SOX5: variants seen among roughly 807,000 people sequenced by gnomAD.
SOX5 encodes the protein SRY-box transcription factor 5, also known as transcription factor SOX-5.
A neutral mutation model predicts 92.0 loss-of-function variants in SOX5; 9 were observed. The observed-to-expected ratio is 0.10, with a 90% CI of 0.06 to 0.17. The LOEUF (loss-of-function observed/expected upper bound fraction) is 0.17, where lower values mean the gene tolerates loss of function less well. SOX5 is among the 10% of genes least tolerant of loss of function. The probability of loss-of-function intolerance (pLI) is 1.00; values close to 1 mark genes in which losing one functional copy is unlikely to be tolerated. For missense variants in SOX5, 642 were observed against 944.5 expected (o/e 0.68, Z 4.20); for synonymous variants, 344 against 336.3 (o/e 1.02, Z -0.25).
Position 23,533,194 on chromosome 12 carries a change from G to A in SOX5, c.*1025C>T, listed in dbSNP as rs1260812798. ...TGTGGGATTTCATCCCCAGATGTGG[G>A]TTTAACTCACAATGGTCCAACGTTA... On this transcript the variant is annotated 3_prime_UTR_variant, in exon 15 of 15. Coordinates refer to ENST00000451604, the MANE Select transcript of SOX5 (RefSeq NM_006940.6). 2 of 456,172 alleles carry A rather than the reference G, an allele frequency of 4.4e-6. No individual in the cohort carries two copies. The highest frequency in any genetic ancestry group is 8.8e-6 in the Non-Finnish European group (2 of 226,630). 28.3% of individuals were successfully genotyped at this position (456,172 alleles called of 1,614,324 possible).
intron 7 of SOX5, among the ~76,000 whole-genome samples, chr12:23,653,725 T>C (rs1038562682): frequency 7.9e-5 from 12 of 152,226 alleles, no homozygotes; most frequent in Non-Finnish European, 1.3e-4. Context: ...CTGGGGCCAC[T>C]CTTATAAGGA....
At chr12:23,669,253 A>T (rs1447900270) in intron 6 of SOX5, among the ~76,000 whole-genome samples, 1 of 152,168 alleles carries the variant, frequency 6.6e-6, no homozygotes, top group Non-Finnish European at 1.5e-5. Context: ...CTCCTAACAC[A>T]GCCAGGAGAA....
intron 4 of SOX5, among the ~76,000 whole-genome samples, chr12:23,749,160 T>G (rs2094104619): frequency 6.6e-6 from 1 of 151,904 alleles, no homozygotes; most frequent in Non-Finnish European, 1.5e-5. Context: ...TTATCCTACA[T>G]GCAAACATCT....
chr12:24,077,808 C>A lies in SOX5; in HGVS notation c.-2+135535G>T, dbSNP rs573273651. Among the ~76,000 whole-genome samples the A allele has an allele frequency of 4.6e-5, 4 of 86,078 alleles. No individual in the cohort carries two copies. The East Asian group carries it at 8.2e-4, about 18-fold the overall frequency. The allele number at this position is 86,078 out of a possible 152,430, so 56.5% of individuals were successfully genotyped here. A position where few individuals can be genotyped will look rare whatever the true frequency, so the allele number is the denominator to read the frequency against. ...ATATATATATATATATATATATATGCAGCTAAGTGAAGACAAATCTCAGTT... is the reference window on the plus strand; with the variant it reads ...ATATATATATATATATATATATATGAAGCTAAGTGAAGACAAATCTCAGTT... On this transcript the variant is annotated intron_variant, in intron 4 of 4. Coordinates refer to the SOX5 transcript ENST00000446891.
At chr12:23,755,763 C>T in intron 3 of SOX5, 39 bp from the exon 4 acceptor site, 1 of 1,333,308 alleles carries the variant, frequency 7.5e-7, no homozygotes, top group Non-Finnish European at 1.0e-6. Flanking sequence ...ATCAACATGA[C>T]TCTCCTTACA....
At chr12:23,801,825 T>C (rs931728675) in intron 3 of SOX5, among the ~76,000 whole-genome samples, 10 of 152,130 alleles carry the variant, frequency 6.6e-5, no homozygotes, top group African/African-American at 2.2e-4. Context: ...GTTGTATAGT[T>C]AGGGGAAACA....
rs1938731904 is a variant in SOX5 at position 23,530,487 on chromosome 12, G to A, written c.*3732C>T. The A allele has an allele frequency of 1.6e-5, 1 of 61,438 alleles. No homozygotes were observed. The allele number at this position is 61,438 out of a possible 1,614,324, so 3.8% of individuals were successfully genotyped here. On this transcript the variant is annotated 3_prime_UTR_variant, in exon 15 of 15. Transcript: ENST00000451604. ...ATATTTGTTCTTTATAAGAGGATTTGGTTCTAACGATGATTATGTTCTTTG... is the reference window on the plus strand; with the variant it reads ...ATATTTGTTCTTTATAAGAGGATTTAGTTCTAACGATGATTATGTTCTTTG...
rs368161034 is a variant in SOX5 at position 23,534,450 on chromosome 12, G to C, written c.2061C>G (p.Pro687=). Residue 687 remains proline (P), a synonymous_variant, in exon 15 of 15, where the codon CCC becomes CCG. Transcript: ENST00000451604. ...AGTGCTCCGAGGGCAGGTGAGGGGAGGGCATCCCAGCCATGGCGATGGCTC... is the reference window on the plus strand; with the variant it reads ...AGTGCTCCGAGGGCAGGTGAGGGGACGGCATCCCAGCCATGGCGATGGCTC... ...YPGAIAMAGM[P]SPHLPSEHSS... 8 of 1,613,886 alleles carry C rather than the reference G, an allele frequency of 5.0e-6. No homozygotes were observed. The East Asian group carries it at 1.6e-4, about 31-fold the overall frequency.
intron 6 of SOX5, among the ~76,000 whole-genome samples, chr12:23,691,159 C>A (rs1212639284): frequency 6.6e-6 from 1 of 152,046 alleles, no homozygotes; most frequent in African/African-American, 2.4e-5. Context: ...AGGCCAAAGG[C>A]AAGGAGGCCA....
At chr12:24,289,558 A>G (rs1946367468) in intron 2 of SOX5, among the ~76,000 whole-genome samples, 1 of 121,238 alleles carries the variant, frequency 8.2e-6, no homozygotes, top group Non-Finnish European at 1.6e-5. Flanking sequence ...GGTTCACGCC[A>G]TTCTCCTGCC....
intron 1 of SOX5, among the ~76,000 whole-genome samples, chr12:24,551,799 T>C (rs1215641992): frequency 6.6e-6 from 1 of 152,210 alleles, no homozygotes; most frequent in East Asian, 1.9e-4. Context: ...CAGGACTCCT[T>C]TTCAGCCTAC....
intron 4 of SOX5, among the ~76,000 whole-genome samples, chr12:23,974,853 G>C (rs1039851554): frequency 6.6e-6 from 1 of 151,996 alleles, no homozygotes; most frequent in Non-Finnish European, 1.5e-5. Flanking sequence ...ATAAAAGAAG[G>C]AAAATTTGAA....
At position 23,934,421 on chromosome 12, in the gene SOX5, G is replaced by A. The variant is rs1211013357; in HGVS notation, c.38+15143C>T. Among the ~76,000 whole-genome samples the A allele has an allele frequency of 1.4e-4, 21 of 148,736 alleles. 1 individual carries two copies. In the Admixed American group the frequency reaches 1.4e-3, roughly 10 times the overall value. Reference sequence around the variant, plus strand: ...TGTATATGTATATCACATATGATGTGTATATATGTATACACATTATACACA... The same window carrying A: ...TGTATATGTATATCACATATGATGTATATATATGTATACACATTATACACA... On this transcript the variant is annotated intron_variant, in intron 1 of 14. Transcript: ENST00000451604.
intron 1 of SOX5, among the ~76,000 whole-genome samples, chr12:24,452,914 G>C (rs1942519383): frequency 6.6e-6 from 1 of 152,146 alleles, no homozygotes; most frequent in Admixed American, 6.5e-5. Context: ...GGTCATGAAA[G>C]TTAGCAAACC....
chr12:24,530,247 T>G (rs188817093), intron 1 of SOX5, among the ~76,000 whole-genome samples: 125 of 152,272 alleles, frequency 8.2e-4, no homozygotes, highest in Middle Eastern at 3.4e-3. Flanking sequence ...TCACAAAAAA[T>G]TCTACGCACT....
At chr12:23,967,774 C>G (rs1248346382) in intron 4 of SOX5, among the ~76,000 whole-genome samples, 1 of 152,128 alleles carries the variant, frequency 6.6e-6, no homozygotes. Context: ...TCAGGATAAA[C>G]AGTCCTTAGT....
chr12:23,979,915 A>G (rs1304150437), intron 4 of SOX5, among the ~76,000 whole-genome samples: 10 of 119,400 alleles, frequency 8.4e-5, no homozygotes, highest in South Asian at 2.9e-4. Context: ...CTGGCTGGCC[A>G]GACAGACAGA....
chr12:23,668,889 C>T (rs1159474824), intron 6 of SOX5, among the ~76,000 whole-genome samples: 1 of 151,994 alleles, frequency 6.6e-6, no homozygotes, highest in Non-Finnish European at 1.5e-5. Flanking sequence ...TTATATTATC[C>T]CATTTATGAA....
At chr12:23,899,444 T>C (rs111429206) in intron 1 of SOX5, among the ~76,000 whole-genome samples, 3,459 of 151,536 alleles carry the variant, frequency 0.023, 102 homozygotes, top group African/African-American at 0.066. Context: ...TGTGCATATA[T>C]TTATATAGCT....
Sources: gnomAD v4.1 joint callset for allele counts (sites outside exome capture counted in the v4.1 genomes callset) on GRCh38, gnomAD v4.1.1 for gene constraint, MANE v1.5 for transcripts, NCBI Gene and HGNC (gene_info 2026-07-23, HGNC 2026-07-21) for gene names.